The following MAF variants were observed in gnomAD, a reference collection of about 807,000 sequenced individuals.
The protein encoded by MAF is MAF bZIP transcription factor.
In MAF, 10 loss-of-function variants were observed where a neutral mutation model predicts 22.0. The observed-to-expected ratio is 0.45, with a 90% CI of 0.28 to 0.77. MAF has a LOEUF of 0.77. MAF is among the 30% of genes least tolerant of loss of function. The pLI is 0.12. For missense variants in MAF, 544 were observed against 548.4 expected, an observed-to-expected ratio of 0.99 and a Z score of 0.08; for synonymous variants, 337 against 255.8, an observed-to-expected ratio of 1.32 and a Z score of -3.03.
the MAF span, among the ~76,000 whole-genome samples, chr16:79,476,185 G>T: frequency 5.3e-5 from 8 of 152,080 alleles, no homozygotes; most frequent in African/African-American, 1.9e-4. Flanking sequence ...CAATAACCAC[G>T]TGAGCTTAGA....
chr16:79,357,846 C>T, the MAF span, among the ~76,000 whole-genome samples: 1 of 152,208 alleles, frequency 6.6e-6, no homozygotes, highest in Admixed American at 6.5e-5. Flanking sequence ...GTTTCATGTA[C>T]AGAAGCATAG....
At chr16:79,446,233 A>C in the MAF span, among the ~76,000 whole-genome samples, 2 of 152,178 alleles carry the variant, frequency 1.3e-5, no homozygotes, top group African/African-American at 4.8e-5. Flanking sequence ...GGTATGGTTC[A>C]TAGAGCACTA....
chr16:79,587,236 G>C (rs1912902248), intron 1 of MAF, among the ~76,000 whole-genome samples: 1 of 152,070 alleles, frequency 6.6e-6, no homozygotes, highest in South Asian at 2.1e-4. Flanking sequence ...TCTTAAGGTA[G>C]AAACTACTCG....
At chr16:79,529,557 T>A in the MAF span, among the ~76,000 whole-genome samples, 1 of 151,958 alleles carries the variant, frequency 6.6e-6, no homozygotes, top group South Asian at 2.1e-4. Flanking sequence ...TCTCAGAGGG[T>A]GTTTTGGAAG....
the MAF span, among the ~76,000 whole-genome samples, chr16:79,402,212 G>A: frequency 6.6e-6 from 1 of 152,146 alleles, no homozygotes; most frequent in African/African-American, 2.4e-5. Context: ...AAGACCTTTA[G>A]GAAGCAAGTG....
At chr16:79,233,680 G>C in the MAF span, among the ~76,000 whole-genome samples, 3 of 152,022 alleles carry the variant, frequency 2.0e-5, no homozygotes, top group Non-Finnish European at 4.4e-5. Flanking sequence ...TTGAAAAATG[G>C]TAGACAAGCA....
At chr16:79,236,935 TA>T in the MAF span, among the ~76,000 whole-genome samples, 1 of 106,028 alleles carries the variant, frequency 9.4e-6, no homozygotes, top group African/African-American at 3.5e-5. Flanking sequence ...AACTGTGCCA[TA>T]AATCTCGGAA....
the MAF span, among the ~76,000 whole-genome samples, chr16:79,443,942 C>T: frequency 6.6e-6 from 1 of 151,918 alleles, no homozygotes; most frequent in Non-Finnish European, 1.5e-5. Flanking sequence ...CTATCTATGT[C>T]ATAGTTTTGA....
the MAF span, among the ~76,000 whole-genome samples, chr16:79,449,269 G>T: frequency 5.3e-5 from 8 of 152,156 alleles, no homozygotes; most frequent in Non-Finnish European, 7.4e-5. Flanking sequence ...CTCTTGATGC[G>T]CTGCCCAGTT....
the MAF span, among the ~76,000 whole-genome samples, chr16:79,544,016 A>G: frequency 6.6e-6 from 1 of 152,138 alleles, no homozygotes; most frequent in Non-Finnish European, 1.5e-5. Context: ...CAAGGTAGAG[A>G]GACAGACACC....
the MAF span, among the ~76,000 whole-genome samples, chr16:79,562,302 G>C: frequency 1.3e-5 from 2 of 152,118 alleles, no homozygotes; most frequent in Admixed American, 1.3e-4. Flanking sequence ...ACATGGACAA[G>C]GTTTGTTTTG....
At chr16:79,434,583 G>A in the MAF span, among the ~76,000 whole-genome samples, 1 of 151,546 alleles carries the variant, frequency 6.6e-6, no homozygotes, top group Admixed American at 6.6e-5. Context: ...TTATGTTATA[G>A]ATTATGTTGT....
the MAF span, among the ~76,000 whole-genome samples, chr16:79,441,799 GTATGTGGTCT>G: frequency 1.3e-5 from 2 of 152,244 alleles, no homozygotes; most frequent in Non-Finnish European, 2.9e-5. Flanking sequence ...AGGAACCCCA[GTATGTGGTCT>G]TATGTGTAAA....
chr16:79,351,859 G>T, the MAF span, among the ~76,000 whole-genome samples: 1 of 152,128 alleles, frequency 6.6e-6, no homozygotes, highest in East Asian at 1.9e-4. Flanking sequence ...CCATGGATGG[G>T]CTTCCTCCAG....
At chr16:79,496,141 A>G in the MAF span, among the ~76,000 whole-genome samples, 3 of 152,332 alleles carry the variant, frequency 2.0e-5, no homozygotes, top group African/African-American at 4.8e-5. Flanking sequence ...GCTATTTTAA[A>G]GCCACTAAGT....
At chr16:79,268,872 T>C in the MAF span, among the ~76,000 whole-genome samples, 10 of 152,316 alleles carry the variant, frequency 6.6e-5, no homozygotes, top group Middle Eastern at 0.014. Flanking sequence ...TTACCAGTGG[T>C]ATAGCCCTGG....
chr16:79,234,359 C>A, the MAF span, among the ~76,000 whole-genome samples: 210 of 152,148 alleles, frequency 1.4e-3, 2 homozygotes, highest in Non-Finnish European at 2.0e-3. Flanking sequence ...ATAATACACA[C>A]GATGATAGAA....
the MAF span, among the ~76,000 whole-genome samples, chr16:79,547,181 A>T: frequency 6.6e-6 from 1 of 152,004 alleles, no homozygotes; most frequent in Non-Finnish European, 1.5e-5. Context: ...CTCCAAACAG[A>T]TACACAAACA....
At chr16:79,253,579 G>T in the MAF span, among the ~76,000 whole-genome samples, 1 of 152,120 alleles carries the variant, frequency 6.6e-6, no homozygotes, top group Non-Finnish European at 1.5e-5. Flanking sequence ...GTGTGTGTAT[G>T]TGCATGCGGG....
Sources: gnomAD v4.1 joint callset for allele counts (sites outside exome capture counted in the v4.1 genomes callset) on GRCh38, gnomAD v4.1.1 for gene constraint, MANE v1.5 for transcripts, NCBI Gene and HGNC (gene_info 2026-07-23, HGNC 2026-07-21) for gene names.